Variants in ARID4B observed in about 807,000 individuals in gnomAD.
The protein encoded by ARID4B is AT-rich interaction domain 4B.
ARID4B carries 26 observed loss-of-function variants against 147.5 expected under a neutral mutation model. The ratio of observed to expected loss-of-function variants is 0.18; its 90% CI spans 0.13 to 0.24. The LOEUF (loss-of-function observed/expected upper bound fraction) is 0.24, where lower values mean the gene tolerates loss of function less well. Among genes scored for constraint, ARID4B ranks in the 10% least tolerant of loss-of-function variants. The pLI is 1.00. For synonymous variants in ARID4B, 512 were observed against 507.9 expected (o/e 1.01, Z -0.11); for missense variants, 1,179 against 1,511.5 (o/e 0.78, Z 3.65).
chr1:235,288,455 A>C (rs1182715947), intron 2 of ARID4B, among the ~76,000 whole-genome samples: 5 of 152,184 alleles, frequency 3.3e-5, no homozygotes, highest in African/African-American at 9.7e-5. Flanking sequence ...ATTTCTGTGA[A>C]TCTATTTTTA....
chr1:235,246,171 T>G (rs896482076), intron 7 of ARID4B, among the ~76,000 whole-genome samples: 9 of 152,192 alleles, frequency 5.9e-5, no homozygotes, highest in Admixed American at 6.5e-5. Context: ...ATTGACTGGT[T>G]TCATTTTGAC....
At position 235,173,771 on chromosome 1, in the gene ARID4B, AATATATATATATATATATATAT is replaced by A. The variant is rs1169414831; in HGVS notation, c.3665-1029_3665-1008del. Among the ~76,000 whole-genome samples the A allele has an allele frequency of 4.4e-3, 141 of 32,344 alleles. 2 individuals carry two copies. The highest frequency in any genetic ancestry group is 0.014 in the East Asian group (13 of 960). 21.2% of individuals were successfully genotyped at this position (32,344 alleles called of 152,430 possible). On this transcript the variant is annotated intron_variant, in intron 22 of 23. Coordinates refer to ENST00000264183, the MANE Select transcript of ARID4B (RefSeq NM_016374.6). ...AAAAAAAAAAAAAAAAAAAAAAAAAAATATATATATATATATATATATATATATATATATATATATATGTATA... is the reference window on the plus strand; with the variant it reads ...AAAAAAAAAAAAAAAAAAAAAAAAAAATATATATATATATATATATGTATA...
At chr1:235,272,644 A>G (rs1018231697) in intron 2 of ARID4B, among the ~76,000 whole-genome samples, 2 of 152,026 alleles carry the variant, frequency 1.3e-5, no homozygotes, top group Non-Finnish European at 1.5e-5. Flanking sequence ...ATAGCTTCAC[A>G]TTTGTAAAGT....
intron 16 of ARID4B, among the ~76,000 whole-genome samples, chr1:235,218,853 T>A (rs190121514): frequency 6.6e-6 from 1 of 150,728 alleles, no homozygotes; most frequent in Admixed American, 6.7e-5. Context: ...CAAATGTCAG[T>A]ACGCTAAATG....
intron 17 of ARID4B, among the ~76,000 whole-genome samples, chr1:235,196,975 C>A (rs952256111): frequency 6.6e-6 from 1 of 151,218 alleles, no homozygotes; most frequent in African/African-American, 2.4e-5. Flanking sequence ...CATTACTCTG[C>A]AAAGTTTTTC....
At position 235,204,822 on chromosome 1, in the gene ARID4B, T is replaced by C. The variant is rs1489560805; in HGVS notation, c.1842-8707A>G. Among the ~76,000 whole-genome samples, 6 of 152,204 alleles carry C rather than the reference T, an allele frequency of 3.9e-5. 1 individual carries two copies. The highest frequency in any genetic ancestry group is 9.6e-5 in the African/African-American group (4 of 41,456). On this transcript the variant is annotated intron_variant, in intron 17 of 23. Transcript: ENST00000264183. ...TGTACCTGCCAATCTACGAAACTAC[T>C]GAATGAAACAGGTCCAAGTTTAGTA...
rs564091269 is a variant in ARID4B, at chr1:235,308,751, G to A, written c.6+18163C>T. On this transcript the variant is annotated intron_variant, in intron 2 of 23. Coordinates refer to ENST00000264183, the MANE Select transcript of ARID4B (RefSeq NM_016374.6). ...CTCAGCCTCCCGAGGTGCCGGGATT[G>A]CAGACGGAGTCTGGTTCACTCAGTG... Among the ~76,000 whole-genome samples the A allele has an allele frequency of 8.5e-5, 13 of 152,298 alleles. 2 individuals are homozygous for A. In the South Asian group the frequency reaches 2.3e-3, roughly 27 times the overall value.
At chr1:235,308,816 G>A (rs561585032) in intron 2 of ARID4B, among the ~76,000 whole-genome samples, 3 of 152,182 alleles carry the variant, frequency 2.0e-5, no homozygotes, top group South Asian at 2.1e-4. Flanking sequence ...GCGTGATCTC[G>A]GCTCGCTACA....
intron 5 of ARID4B, 37 bp downstream of exon 5, chr1:235,255,623 T>TA (rs747366575): frequency 7.1e-7 from 1 of 1,409,862 alleles, no homozygotes; most frequent in Non-Finnish European, 9.7e-7. Flanking sequence ...TTTGTGTAAC[T>TA]AAAAACACAT....
intron 8 of ARID4B, among the ~76,000 whole-genome samples, chr1:235,240,098 C>T (rs891299786): frequency 3.9e-5 from 6 of 152,032 alleles, no homozygotes; most frequent in Admixed American, 6.5e-5. Context: ...TTCCACATAG[C>T]TAAACCTCTA....
At chr1:235,189,300 T>C (rs1664910670) in intron 19 of ARID4B, among the ~76,000 whole-genome samples, 1 of 146,774 alleles carries the variant, frequency 6.8e-6, no homozygotes. Flanking sequence ...CTCGGGAGGC[T>C]GAGGCAGGAG....
chr1:235,231,590 G>A (rs776678975), intron 9 of ARID4B, among the ~76,000 whole-genome samples: 5 of 152,090 alleles, frequency 3.3e-5, no homozygotes, highest in African/African-American at 1.2e-4. Context: ...AGGCTCAAGC[G>A]ATTCTTCTGC....
intron 8 of ARID4B, among the ~76,000 whole-genome samples, chr1:235,236,076 G>A (rs1358832143): frequency 6.6e-6 from 1 of 151,682 alleles, no homozygotes; most frequent in Non-Finnish European, 1.5e-5. Flanking sequence ...ACAGGCACAG[G>A]CCACCCAGAC....
At chr1:235,303,481 TGA>T (rs1673330891) in intron 2 of ARID4B, among the ~76,000 whole-genome samples, 1 of 152,056 alleles carries the variant, frequency 6.6e-6, no homozygotes, top group Admixed American at 6.5e-5. Flanking sequence ...TCCAGCACTT[TGA>T]GGGGCCAAGG....
At chr1:235,274,349 TG>T (rs1671184113) in intron 2 of ARID4B, among the ~76,000 whole-genome samples, 2 of 152,112 alleles carry the variant, frequency 1.3e-5, no homozygotes, top group Non-Finnish European at 2.9e-5. Flanking sequence ...CACTCCAGCC[TG>T]GGTGACAGTG....
chr1:235,295,617 C>T (rs2103225780), intron 2 of ARID4B, among the ~76,000 whole-genome samples: 1 of 151,700 alleles, frequency 6.6e-6, no homozygotes, highest in South Asian at 2.1e-4. Flanking sequence ...CGAGATCAGC[C>T]TGGCCAATAT....
intron 21 of ARID4B, 120 bp downstream of exon 21, chr1:235,177,680 G>T: frequency 3.8e-5 from 21 of 545,866 alleles, no homozygotes; most frequent in Middle Eastern, 5.0e-4. Flanking sequence ...GACTTTTTTT[G>T]AGTGTACAGA....
chr1:235,292,551 G>A (rs1402201253), intron 2 of ARID4B, among the ~76,000 whole-genome samples: 2 of 151,718 alleles, frequency 1.3e-5, no homozygotes, highest in Non-Finnish European at 2.9e-5. Flanking sequence ...GGGAGGCAGA[G>A]GCTGCAGTGA....
chr1:235,199,372 A>T (rs1665723355), intron 17 of ARID4B, among the ~76,000 whole-genome samples: 1 of 151,554 alleles, frequency 6.6e-6, no homozygotes, highest in Admixed American at 6.6e-5. Context: ...ATTTTTTTTT[A>T]CCTTGCCAAT....
Sources: allele counts gnomAD v4.1 joint callset (sites outside exome capture counted in the v4.1 genomes callset), GRCh38; gene constraint gnomAD v4.1.1; transcripts MANE v1.5; gene names NCBI Gene and HGNC (gene_info 2026-07-23, HGNC 2026-07-21).